Variants in ANK1 observed in about 807,000 individuals in gnomAD.
ANK1 encodes ankyrin 1.
Under a neutral mutation model 210.4 loss-of-function variants are expected in ANK1, and 51 were observed. The observed-to-expected ratio is 0.24, with a 90% CI of 0.19 to 0.31. The LOEUF (loss-of-function observed/expected upper bound fraction) is 0.31, where lower values mean the gene tolerates loss of function less well. ANK1 is among the 10% of genes least tolerant of loss of function. ANK1 has a pLI of 1.00. For synonymous variants in ANK1, 967 were observed against 1,025.9 expected, an observed-to-expected ratio of 0.94 and a Z score of 1.10; for missense variants, 2,051 against 2,504.4, an observed-to-expected ratio of 0.82 and a Z score of 3.86.
chr8:41,668,582 C>T lies in ANK1; in HGVS notation c.5097-18G>A. The T allele has an allele frequency of 6.2e-7, 1 of 1,606,728 alleles. No individual in the cohort carries two copies. Among genetic ancestry groups the T allele is most frequent in the Non-Finnish European group, 8.5e-7 (1 of 1,174,420 alleles). On this transcript the variant is annotated intron_variant, in intron 38 of 42. Transcript: ENST00000289734. ...CCTGCAGTCTGGGGTCCAGAAGAAG[C>T]AGCAGATGGCCGGCCGGGGAGAGAG...
At chr8:41,872,955 T>C (rs1316335802) in intron 1 of ANK1, among the ~76,000 whole-genome samples, 2 of 152,180 alleles carry the variant, frequency 1.3e-5, no homozygotes, top group African/African-American at 2.4e-5. Context: ...GCTAACATAA[T>C]TTATAAAAAC....
intron 1 of ANK1, among the ~76,000 whole-genome samples, chr8:41,891,091 T>C (rs1819355408): frequency 1.3e-5 from 2 of 152,166 alleles, no homozygotes; most frequent in Admixed American, 1.3e-4. Flanking sequence ...GAAAGGTTTC[T>C]TGCAGGCGAC....
chr8:41,827,768 C>T (rs186832242), intron 1 of ANK1, among the ~76,000 whole-genome samples: 1,722 of 110,900 alleles, frequency 0.016, 37 homozygotes, highest in African/African-American at 0.044. Flanking sequence ...TCACACACCC[C>T]ACACACATGC....
At chr8:41,674,127 G>A (rs541953245) in intron 37 of ANK1, among the ~76,000 whole-genome samples, 20 of 151,880 alleles carry the variant, frequency 1.3e-4, no homozygotes, top group African/African-American at 3.4e-4. Context: ...CTCAGCCTCC[G>A]CTCGGGGCCT....
rs1421257678 is a variant in ANK1, at chr8:41,891,349, G to A, written c.126+5006C>T. On this transcript the variant is annotated intron_variant, in intron 1 of 42. Transcript: ENST00000265709. ...CAGAACTGGTGAGCCAGCAGCCTTT[G>A]CTGGGGTGAGCAAAAGAAACGGGGA... is the stretch of plus-strand genomic sequence containing the variant. Among the ~76,000 whole-genome samples, 2 of 152,018 alleles carry A rather than the reference G, an allele frequency of 1.3e-5. 1 individual carries two copies. The highest frequency in any genetic ancestry group is 4.8e-5 in the African/African-American group (2 of 41,390).
chr8:41,706,415 T>C (rs1824592851), intron 17 of ANK1, among the ~76,000 whole-genome samples, 174 bp from the exon 18 acceptor site: 1 of 152,228 alleles, frequency 6.6e-6, no homozygotes, highest in Non-Finnish European at 1.5e-5. Flanking sequence ...AAAAGTAAGG[T>C]GGTTACACTA....
intron 2 of ANK1, among the ~76,000 whole-genome samples, chr8:41,750,929 T>C (rs990549772): frequency 2.0e-5 from 3 of 152,148 alleles, no homozygotes; most frequent in African/African-American, 4.8e-5. Context: ...AACCAGCAAG[T>C]GTCAGCATCA....
chr8:41,804,946 C>G (rs187983578), intron 1 of ANK1, among the ~76,000 whole-genome samples: 107 of 152,072 alleles, frequency 7.0e-4, no homozygotes, highest in Non-Finnish European at 1.4e-3. Flanking sequence ...GGGTAAACTC[C>G]CACTCATTCC....
Position 41,701,976 on chromosome 8 carries a change from T to G in ANK1, c.2388+76A>C, listed in dbSNP as rs1009120196. On this transcript the variant is annotated intron_variant, in intron 21 of 42. Coordinates refer to ENST00000289734, the MANE Select transcript of ANK1 (RefSeq NM_000037.4). ...CCGGAGCCCCAGAACGCACCCCACT[T>G]CCAGAGTAACCCCAGGCACGCCTGT... is the stretch of plus-strand genomic sequence containing the variant. 10 of 1,493,218 alleles carry G rather than the reference T, an allele frequency of 6.7e-6. No homozygotes were observed. The African/African-American group carries it at 1.4e-4, about 21-fold the overall frequency. The allele number at this position is 1,493,218 out of a possible 1,614,324, so 92.5% of individuals were successfully genotyped here.
At chr8:41,676,913 T>C (rs976251891) in intron 37 of ANK1, among the ~76,000 whole-genome samples, 2 of 152,246 alleles carry the variant, frequency 1.3e-5, no homozygotes, top group African/African-American at 4.8e-5. Context: ...ATTTTCAATT[T>C]TCTAAACAAG....
chr8:41,781,923 C>T (rs1411272260), intron 1 of ANK1, among the ~76,000 whole-genome samples: 1 of 152,140 alleles, frequency 6.6e-6, no homozygotes, highest in East Asian at 1.9e-4. Flanking sequence ...CTGGCGGCTC[C>T]CCTGCTGCCT....
At chr8:41,809,596 A>C (rs1802160399) in intron 1 of ANK1, among the ~76,000 whole-genome samples, 1 of 152,030 alleles carries the variant, frequency 6.6e-6, no homozygotes, top group Non-Finnish European at 1.5e-5. Flanking sequence ...GCAAGACCCC[A>C]CCTGTACAAA....
chr8:41,799,241 A>C (rs1457961865), upstream of ANK1, among the ~76,000 whole-genome samples: 2 of 152,214 alleles, frequency 1.3e-5, no homozygotes, highest in Non-Finnish European at 1.5e-5. Flanking sequence ...AGGTCACATT[A>C]GACATGATTT....
intron 3 of ANK1, among the ~76,000 whole-genome samples, chr8:41,731,580 CT>C (rs60238358): frequency 0.053 from 7,736 of 145,842 alleles, 645 homozygotes; most frequent in African/African-American, 0.18. Flanking sequence ...TCTTTTTCTT[CT>C]TTTTTTTTTT....
At chr8:41,686,614 C>T (rs543605467) in intron 35 of ANK1, among the ~76,000 whole-genome samples, 1 of 152,282 alleles carries the variant, frequency 6.6e-6, no homozygotes, top group South Asian at 2.1e-4. Flanking sequence ...AGGTCAGCAA[C>T]TTCTGCAAGG....
chr8:41,722,431 G>A (rs1338897834), intron 9 of ANK1, among the ~76,000 whole-genome samples: 2 of 152,200 alleles, frequency 1.3e-5, no homozygotes, highest in Non-Finnish European at 2.9e-5. Context: ...CTGTGAGTGG[G>A]CCTGGCTTTT....
rs547719320 is a variant in ANK1 at position 41,712,344 on chromosome 8, G to A, written c.1800+1812C>T. Among the ~76,000 whole-genome samples, 7 of 152,324 alleles carry A rather than the reference G, an allele frequency of 4.6e-5. No homozygotes were observed. In the East Asian group the frequency reaches 7.7e-4, roughly 17 times the overall value. On this transcript the variant is annotated intron_variant, in intron 16 of 42. Coordinates refer to ENST00000289734, the MANE Select transcript of ANK1 (RefSeq NM_000037.4). ...AAGCAGCGATGTCCACACTGGCAAG[G>A]CCAGCCCCCTGTCCTGCCCAAGGGT...
At chr8:41,833,823 A>T (rs996566529) in intron 1 of ANK1, among the ~76,000 whole-genome samples, 1 of 152,204 alleles carries the variant, frequency 6.6e-6, no homozygotes, top group African/African-American at 2.4e-5. Flanking sequence ...CGGGGCAAGC[A>T]TACAGCAGAG....
At chr8:41,711,738 C>A (rs1376280460) in intron 16 of ANK1, among the ~76,000 whole-genome samples, 25 of 152,112 alleles carry the variant, frequency 1.6e-4, no homozygotes, top group Non-Finnish European at 3.2e-4. Context: ...TACGTCTTTG[C>A]CTGTAACTCC....
Sources: gnomAD v4.1 joint callset for allele counts (sites outside exome capture counted in the v4.1 genomes callset) on GRCh38, gnomAD v4.1.1 for gene constraint, MANE v1.5 for transcripts, NCBI Gene and HGNC (gene_info 2026-07-23, HGNC 2026-07-21) for gene names.